Variants in ACAD11 observed in about 807,000 individuals in gnomAD.
ACAD11 encodes acyl-CoA dehydrogenase family member 11, also known as acyl-Coenzyme A dehydrogenase family, member 11.
A neutral mutation model predicts 102.2 loss-of-function variants in ACAD11; 83 were observed. That is an observed-to-expected ratio of 0.81 (90% CI 0.68 to 0.97). ACAD11 has a LOEUF of 0.97. ACAD11 is among the 50% of genes least tolerant of loss of function. ACAD11 has a pLI of 0.00. For synonymous variants in ACAD11, 324 were observed against 319.8 expected (o/e 1.01, Z -0.14); for missense variants, 901 against 951.7 (o/e 0.95, Z 0.70).
At chr3:132,572,877 C>T (rs1015569517) in intron 17 of ACAD11, among the ~76,000 whole-genome samples, 1 of 152,088 alleles carries the variant, frequency 6.6e-6, no homozygotes, top group Non-Finnish European at 1.5e-5. Context: ...TACATCTTAG[C>T]CATTTTTTTG....
At chr3:132,574,521 A>G (rs1937466856) in intron 17 of ACAD11, among the ~76,000 whole-genome samples, 1 of 152,238 alleles carries the variant, frequency 6.6e-6, no homozygotes, top group African/African-American at 2.4e-5. Flanking sequence ...AATACTTTAC[A>G]AAAAGCAAAC....
intron 11 of ACAD11, among the ~76,000 whole-genome samples, chr3:132,607,584 GA>G (rs1938905073): frequency 6.6e-6 from 1 of 152,096 alleles, no homozygotes. Context: ...AAAAAAGAAT[GA>G]AAAGGAATGA....
At chr3:132,617,044 A>G (rs1008232823) in intron 11 of ACAD11, among the ~76,000 whole-genome samples, 2 of 152,106 alleles carry the variant, frequency 1.3e-5, no homozygotes, top group Non-Finnish European at 2.9e-5. Flanking sequence ...GCCTGCATTA[A>G]CTTGTTTTTG....
At chr3:132,577,853 C>T (rs145051709) in intron 15 of ACAD11, among the ~76,000 whole-genome samples, 95 of 152,266 alleles carry the variant, frequency 6.2e-4, no homozygotes, top group African/African-American at 2.0e-3. Flanking sequence ...ATATTATAAA[C>T]GCATTTTTGG....
chr3:132,653,955 T>C (rs1937646436), intron 1 of ACAD11, among the ~76,000 whole-genome samples: 1 of 152,218 alleles, frequency 6.6e-6, no homozygotes, highest in Non-Finnish European at 1.5e-5. Context: ...TCCAGATCTC[T>C]GCCCCGACCT....
intron 5 of ACAD11, among the ~76,000 whole-genome samples, chr3:132,633,755 C>T (rs913344695): frequency 2.6e-5 from 4 of 152,104 alleles, no homozygotes; most frequent in Admixed American, 1.3e-4. Flanking sequence ...TAATACCACA[C>T]ATCTACAACT....
chr3:132,604,288 TTAA>T (rs1467857092), intron 12 of ACAD11, among the ~76,000 whole-genome samples: 3 of 152,238 alleles, frequency 2.0e-5, no homozygotes, highest in Non-Finnish European at 1.5e-5. Flanking sequence ...TTAGTTATTA[TTAA>T]TGTCTTACTA....
chr3:132,608,386 C>G (rs1041446276), intron 11 of ACAD11, among the ~76,000 whole-genome samples: 1 of 152,050 alleles, frequency 6.6e-6, no homozygotes, highest in Non-Finnish European at 1.5e-5. Context: ...ACCCATCTCA[C>G]GTGCACAGAC....
chr3:132,619,728 A>T (rs1939541155), intron 9 of ACAD11, among the ~76,000 whole-genome samples, 183 bp from the exon 10 acceptor site: 1 of 152,208 alleles, frequency 6.6e-6, no homozygotes. Context: ...ATGCTGCCAC[A>T]ATATTAGATA....
At chr3:132,608,567 G>A (rs1472504172) in intron 11 of ACAD11, among the ~76,000 whole-genome samples, 2 of 152,136 alleles carry the variant, frequency 1.3e-5, no homozygotes, top group African/African-American at 4.8e-5. Context: ...TAATGGTAAA[G>A]GGATCAATGC....
At chr3:132,584,708 T>C (rs1013400650) in intron 13 of ACAD11, among the ~76,000 whole-genome samples, 1 of 152,034 alleles carries the variant, frequency 6.6e-6, no homozygotes, top group African/African-American at 2.4e-5. Context: ...CACTTTTTCC[T>C]TTCAGAGCCA....
At chr3:132,612,138 T>C (rs1463657750) in intron 11 of ACAD11, among the ~76,000 whole-genome samples, 4 of 151,980 alleles carry the variant, frequency 2.6e-5, no homozygotes, top group Non-Finnish European at 5.9e-5. Flanking sequence ...GATTCCCTAT[T>C]TAATAAATGG....
At chr3:132,566,251 G>A (rs1481600510) in intron 17 of ACAD11, among the ~76,000 whole-genome samples, 2 of 120,772 alleles carry the variant, frequency 1.7e-5, no homozygotes, top group Non-Finnish European at 1.7e-5. Context: ...TGGAAGATAG[G>A]ACAATAGAAA....
At chr3:132,627,437 C>T (rs1369968234) in intron 8 of ACAD11, among the ~76,000 whole-genome samples, 2 of 152,104 alleles carry the variant, frequency 1.3e-5, no homozygotes, top group East Asian at 1.9e-4. Context: ...TGAAGTCACC[C>T]GTCAGAATCT....
intron 10 of ACAD11, 54 bp from the exon 11 acceptor site, chr3:132,618,826 A>G: frequency 1.4e-6 from 2 of 1,438,714 alleles, no homozygotes; most frequent in Non-Finnish European, 1.8e-6. Context: ...GACTCACAGT[A>G]GTTTATTTCT....
intron 1 of ACAD11, among the ~76,000 whole-genome samples, chr3:132,650,732 A>G (rs1345708352): frequency 1.3e-5 from 2 of 152,086 alleles, no homozygotes; most frequent in African/African-American, 4.8e-5. Context: ...CCCAGCCCCA[A>G]TACATACCTA....
chr3:132,621,518 G>A (rs556682348), intron 9 of ACAD11, among the ~76,000 whole-genome samples: 1 of 152,040 alleles, frequency 6.6e-6, no homozygotes, highest in African/African-American at 2.4e-5. Flanking sequence ...TAAAGTCATT[G>A]CCACCTCTCC....
intron 13 of ACAD11, among the ~76,000 whole-genome samples, chr3:132,587,629 C>T (rs1937896697): frequency 6.6e-6 from 1 of 152,054 alleles, no homozygotes; most frequent in Non-Finnish European, 1.5e-5. Context: ...TCATGTTTTC[C>T]TTATTCTTCA....
intron 11 of ACAD11, among the ~76,000 whole-genome samples, chr3:132,613,083 G>A (rs1015454883): frequency 2.0e-5 from 3 of 151,884 alleles, no homozygotes; most frequent in African/African-American, 7.3e-5. Context: ...GTAGGGACAT[G>A]GATAAAGCTG....
Sources: gnomAD v4.1 joint callset for allele counts (sites outside exome capture counted in the v4.1 genomes callset) on GRCh38, gnomAD v4.1.1 for gene constraint, MANE v1.5 for transcripts, NCBI Gene and HGNC (gene_info 2026-07-23, HGNC 2026-07-21) for gene names.